Variants in NAA15 observed in about 807,000 individuals in gnomAD.
NAA15 encodes N-alpha-acetyltransferase 15, NatA auxiliary subunit, also known as N-terminal acetyltransferase.
NAA15 carries 34 observed loss-of-function variants against 114.0 expected under a neutral mutation model. The observed-to-expected ratio is 0.30, with a 90% CI of 0.23 to 0.40. NAA15 has a LOEUF of 0.40. Among genes scored for constraint, NAA15 ranks in the 10% least tolerant of loss-of-function variants. The pLI is 1.00. For missense variants in NAA15, 658 were observed against 1,004.5 expected, an observed-to-expected ratio of 0.66 and a Z score of 4.66; for synonymous variants, 340 against 338.0, an observed-to-expected ratio of 1.01 and a Z score of -0.06.
At chr4:139,381,944 C>T (rs1448465773) in intron 17 of NAA15, among the ~76,000 whole-genome samples, 1 of 152,154 alleles carries the variant, frequency 6.6e-6, no homozygotes, top group East Asian at 1.9e-4. Context: ...CCTTGATTCT[C>T]AAGACTTATT....
chr4:139,311,172 T>A (rs1488541163), intron 1 of NAA15, among the ~76,000 whole-genome samples: 1 of 151,954 alleles, frequency 6.6e-6, no homozygotes, highest in Admixed American at 6.6e-5. Context: ...TATTTCTTAC[T>A]TTATTCTCAT....
chr4:139,369,694 C>T (rs544025632), intron 14 of NAA15, among the ~76,000 whole-genome samples: 18 of 143,024 alleles, frequency 1.3e-4, no homozygotes, highest in Admixed American at 9.3e-4. Flanking sequence ...GCTGAGATCT[C>T]GCCACTGCAC....
In NAA15 at chr4:139,316,046, A is replaced by T. The variant is rs371017135; in HGVS notation, c.54+14215A>T. Among the ~76,000 whole-genome samples, 84 of 151,772 alleles carry T rather than the reference A, an allele frequency of 5.5e-4. 1 individual carries two copies. Among genetic ancestry groups the T allele is most frequent in the African/African-American group, 1.6e-3 (68 of 41,324 alleles). On this transcript the variant is annotated intron_variant, in intron 1 of 19. Transcript: ENST00000296543. ...ACTTTGTGAGAGTATGTCATTTTAC[A>T]TACTATTCTTCCTCGTCAATACCTT...
At chr4:139,360,691 A>T (rs1206159351) in intron 13 of NAA15, 63 bp downstream of exon 13, 26 of 1,408,742 alleles carry the variant, frequency 1.8e-5, no homozygotes, top group Non-Finnish European at 2.2e-5. Context: ...GACAAATTTC[A>T]TAGTTTTTTT....
At chr4:139,349,683 T>G in intron 7 of NAA15, 102 bp downstream of exon 7, 1 of 1,258,100 alleles carries the variant, frequency 7.9e-7, no homozygotes, top group Middle Eastern at 2.7e-4. Flanking sequence ...GGTTAAGAAT[T>G]GGTTCGAAAT....
At chr4:139,360,391 T>A (rs1024034916) in intron 12 of NAA15, 109 bp from the exon 13 acceptor site, 38 of 947,064 alleles carry the variant, frequency 4.0e-5, no homozygotes, top group Middle Eastern at 5.6e-4. Flanking sequence ...GTTTTAAAAA[T>A]TTTTTTGAAA....
chr4:139,331,644 T>C (rs1170604183), intron 1 of NAA15, among the ~76,000 whole-genome samples: 2 of 150,150 alleles, frequency 1.3e-5, no homozygotes, highest in Non-Finnish European at 3.0e-5. Flanking sequence ...TTTGTATTTT[T>C]AGTAGAGAAA....
chr4:139,350,926 A>T (rs1747759648), intron 7 of NAA15, among the ~76,000 whole-genome samples: 1 of 152,214 alleles, frequency 6.6e-6, no homozygotes, highest in Admixed American at 6.5e-5. Flanking sequence ...ATGATAACCA[A>T]GGCTTTTTCA....
At chr4:139,347,810 A>G (rs1747634694) in intron 6 of NAA15, among the ~76,000 whole-genome samples, 1 of 151,796 alleles carries the variant, frequency 6.6e-6, no homozygotes, top group Admixed American at 6.6e-5. Context: ...AGGCGGGTGG[A>G]TCATGAGGTC....
intron 1 of NAA15, among the ~76,000 whole-genome samples, chr4:139,330,645 A>G (rs7682630): frequency 0.22 from 33,832 of 152,130 alleles, 4,153 homozygotes; most frequent in South Asian, 0.4. Flanking sequence ...AGGATGGTGA[A>G]GACTTGGTGC....
chr4:139,354,207 T>A, intron 10 of NAA15, 109 bp downstream of exon 10: 1 of 791,562 alleles, frequency 1.3e-6, no homozygotes, highest in Non-Finnish European at 2.0e-6. Context: ...CACAGTGCAT[T>A]AAATTTTTTT....
At chr4:139,316,579 C>A (rs774416545) in intron 1 of NAA15, among the ~76,000 whole-genome samples, 1 of 151,860 alleles carries the variant, frequency 6.6e-6, no homozygotes, top group Non-Finnish European at 1.5e-5. Context: ...GATATTACAT[C>A]TTTTCTCTGT....
At chr4:139,358,204 T>A (rs1030681462) in intron 11 of NAA15, among the ~76,000 whole-genome samples, 2 of 151,176 alleles carry the variant, frequency 1.3e-5, no homozygotes, top group Non-Finnish European at 2.9e-5. Context: ...TTTTTTTTTT[T>A]GAGAGAGAGA....
At chr4:139,357,703 A>G (rs900581285) in intron 11 of NAA15, 148 bp downstream of exon 11, 3 of 606,932 alleles carry the variant, frequency 4.9e-6, no homozygotes, top group Non-Finnish European at 8.4e-6. Context: ...TTCTCAGTCC[A>G]ATTACTTTGA....
chr4:139,331,670 G>A (rs1747006304), intron 1 of NAA15, among the ~76,000 whole-genome samples: 2 of 140,888 alleles, frequency 1.4e-5, no homozygotes, highest in Non-Finnish European at 3.0e-5. Flanking sequence ...TCACCACGTT[G>A]GTCAGGCTGG....
rs116154826 is a variant in NAA15 at position 139,329,213 on chromosome 4, A to G, written c.55-4961A>G. On this transcript the variant is annotated intron_variant, in intron 1 of 19. Coordinates refer to ENST00000296543, the MANE Select transcript of NAA15 (RefSeq NM_057175.5). Reference sequence around the variant, plus strand: ...CTGTATTTTCATCTTTACAAATTCTATTTGTTTTTTTCGAATATATTTCAT... The same window carrying G: ...CTGTATTTTCATCTTTACAAATTCTGTTTGTTTTTTTCGAATATATTTCAT... 6.2e-3 allele frequency among the ~76,000 whole-genome samples: 947 copies of G among 151,890 alleles called. 7 individuals carry two copies. Among genetic ancestry groups the G allele is most frequent in the African/African-American group, 0.022 (915 of 41,464 alleles).
intron 10 of NAA15, among the ~76,000 whole-genome samples, chr4:139,356,891 TAAG>T (rs1041369921): frequency 6.6e-6 from 1 of 150,856 alleles, no homozygotes; most frequent in Non-Finnish European, 1.5e-5. Flanking sequence ...TAAAATATAT[TAAG>T]AATATAATCA....
chr4:139,328,152 C>T (rs866508687), intron 1 of NAA15, among the ~76,000 whole-genome samples: 1 of 151,396 alleles, frequency 6.6e-6, no homozygotes. Context: ...GTCATAAAAT[C>T]TGCTTTACTC....
chr4:139,381,613 G>GT (rs560346082), intron 17 of NAA15, among the ~76,000 whole-genome samples: 5 of 150,738 alleles, frequency 3.3e-5, no homozygotes, highest in Non-Finnish European at 7.4e-5. Flanking sequence ...TTATTTTGCC[G>GT]TTTTTGAGTT....
Sources: gnomAD v4.1 joint callset for allele counts (sites outside exome capture counted in the v4.1 genomes callset) on GRCh38, gnomAD v4.1.1 for gene constraint, MANE v1.5 for transcripts, NCBI Gene and HGNC (gene_info 2026-07-23, HGNC 2026-07-21) for gene names.